Variants in OPRM1 observed in about 807,000 individuals in gnomAD.
OPRM1 encodes mu-type opioid receptor.
In OPRM1, 27 loss-of-function variants were observed where a neutral mutation model predicts 31.8. The ratio of observed to expected loss-of-function variants is 0.85; its 90% CI spans 0.63 to 1.17. OPRM1 has a LOEUF of 1.17. Among genes scored for constraint, OPRM1 ranks in the 50% most tolerant of loss-of-function variants. OPRM1 has a pLI of 0.00. For synonymous variants in OPRM1, 196 were observed against 189.9 expected (o/e 1.03, Z -0.26); for missense variants, 536 against 511.1 (o/e 1.05, Z -0.47).
chr6:154,114,322 T>G (rs1796634885), intron 3 of OPRM1, among the ~76,000 whole-genome samples: 1 of 152,228 alleles, frequency 6.6e-6, no homozygotes, highest in Non-Finnish European at 1.5e-5. Context: ...TGGTCCTGTA[T>G]CTTATCAGAA....
At chr6:154,077,933 G>A (rs1788244361) in intron 1 of OPRM1, among the ~76,000 whole-genome samples, 1 of 150,848 alleles carries the variant, frequency 6.6e-6, no homozygotes, top group Non-Finnish European at 1.5e-5. Flanking sequence ...CAAGGAATTT[G>A]CCAAGGTTAT....
At chr6:154,057,121 T>G (rs573513461) in intron 1 of OPRM1, among the ~76,000 whole-genome samples, 1 of 152,316 alleles carries the variant, frequency 6.6e-6, no homozygotes, top group South Asian at 2.1e-4. Flanking sequence ...AACTTTACAT[T>G]TTTCCCTAAA....
intron 3 of OPRM1, among the ~76,000 whole-genome samples, chr6:154,221,989 C>T (rs1043047852): frequency 3.3e-5 from 5 of 152,188 alleles, no homozygotes; most frequent in African/African-American, 1.2e-4. Context: ...ATAGAAATAA[C>T]ACTTCAAAAT....
chr6:154,121,932 C>T lies in OPRM1; in HGVS notation c.*3211C>T, dbSNP rs1044761621. ...TGTGGAAATGATAAGATGCGTACTG[C>T]ATCTCTCATATAATAAAGATAATCA... On this transcript the variant is annotated 3_prime_UTR_variant, in exon 4 of 4. Transcript: ENST00000330432. 3.3e-5 allele frequency among the ~76,000 whole-genome samples: 5 copies of T among 152,210 alleles called. No homozygotes were observed. Among genetic ancestry groups the T allele is most frequent in the African/African-American group, 4.8e-5 (2 of 41,456 alleles).
intron 3 of OPRM1, among the ~76,000 whole-genome samples, chr6:154,176,691 C>T (rs1331021706): frequency 1.3e-5 from 2 of 152,192 alleles, no homozygotes; most frequent in East Asian, 1.9e-4. Context: ...AATAGAAGAA[C>T]ATTCCATGCT....
At chr6:154,028,926 T>G (rs1428145905) in intron 1 of OPRM1, among the ~76,000 whole-genome samples, 2 of 152,232 alleles carry the variant, frequency 1.3e-5, no homozygotes, top group Non-Finnish European at 2.9e-5. Flanking sequence ...AACCAAGTGC[T>G]GTGAGTGCTT....
intron 3 of OPRM1, among the ~76,000 whole-genome samples, chr6:154,099,329 A>AAGGAAGGAAGGG (rs1188397084): frequency 2.6e-4 from 31 of 119,460 alleles, no homozygotes; most frequent in Admixed American, 5.8e-4. Context: ...GGAAGGAAGG[A>AAGGAAGGAAGGG]AGGGAGGGAG....
Position 154,127,645 on chromosome 6 carries a change from A to C in OPRM1, c.*8924A>C, listed in dbSNP as rs1203969025. Among the ~76,000 whole-genome samples the C allele has an allele frequency of 6.6e-6, 1 of 152,056 alleles. No homozygotes were observed. The highest frequency in any genetic ancestry group is 1.5e-5 in the Non-Finnish European group (1 of 68,006). On this transcript the variant is annotated 3_prime_UTR_variant, in exon 4 of 4. Coordinates refer to ENST00000330432, the MANE Select transcript of OPRM1 (RefSeq NM_000914.5). ...CCACCCCTCGCTTTCACTAAATAACAACTCTCTTCTCTCCATCATTTTGAC... is the reference window on the plus strand; with the variant it reads ...CCACCCCTCGCTTTCACTAAATAACCACTCTCTTCTCTCCATCATTTTGAC...
intron 1 of OPRM1, among the ~76,000 whole-genome samples, chr6:154,052,884 AT>A (rs1189996021): frequency 6.6e-6 from 1 of 152,228 alleles, no homozygotes; most frequent in Non-Finnish European, 1.5e-5. Flanking sequence ...ATTTTTCAAC[AT>A]CAGAAAATAG....
chr6:154,205,273 C>T (rs1251862636), intron 3 of OPRM1, among the ~76,000 whole-genome samples: 1 of 151,126 alleles, frequency 6.6e-6, no homozygotes, highest in Non-Finnish European at 1.5e-5. Flanking sequence ...TTCAGCATCC[C>T]TGTATTTTTT....
chr6:154,235,050 G>A (rs188735703), intron 3 of OPRM1, among the ~76,000 whole-genome samples: 19 of 152,320 alleles, frequency 1.2e-4, no homozygotes, highest in African/African-American at 4.6e-4. Flanking sequence ...CAATACATAT[G>A]AAGGAAAGCT....
chr6:154,146,675 C>T (rs540536623), intron 3 of OPRM1, among the ~76,000 whole-genome samples: 250 of 152,252 alleles, frequency 1.6e-3, no homozygotes, highest in African/African-American at 5.6e-3. Context: ...GACTGACAAA[C>T]TATGGTGCAA....
Position 154,120,682 on chromosome 6 carries a change from C to A in OPRM1, c.*1961C>A, listed in dbSNP as rs1797252039. On this transcript the variant is annotated 3_prime_UTR_variant, in exon 4 of 4. Coordinates refer to ENST00000330432, the MANE Select transcript of OPRM1 (RefSeq NM_000914.5). ...AAATAACTGAGGAGGAAAATCCATG[C>A]TTTTCATGGGCTAGGATGGTTTCTC... 6.6e-6 allele frequency among the ~76,000 whole-genome samples: 1 copy of A among 152,098 alleles called. No individual in the cohort carries two copies. Among genetic ancestry groups the A allele is most frequent in the Non-Finnish European group, 1.5e-5 (1 of 68,014 alleles).
intron 1 of OPRM1, among the ~76,000 whole-genome samples, chr6:154,082,954 A>G (rs1225826052): frequency 6.6e-6 from 1 of 152,238 alleles, no homozygotes; most frequent in African/African-American, 2.4e-5. Flanking sequence ...TCTATAATAC[A>G]TAAATACTAT....
intron 1 of OPRM1, chr6:154,086,799 G>GC (rs1790686490): frequency 1.0e-6 from 1 of 985,262 alleles, no homozygotes; most frequent in Non-Finnish European, 1.2e-6. Flanking sequence ...ATGCAATGAA[G>GC]CATGTCTTTA....
At chr6:154,094,603 C>T (rs1235309036) in intron 3 of OPRM1, among the ~76,000 whole-genome samples, 1 of 152,164 alleles carries the variant, frequency 6.6e-6, no homozygotes, top group Non-Finnish European at 1.5e-5. Flanking sequence ...GAATGACTAG[C>T]TCCACATGGA....
At chr6:154,067,988 A>G (rs1040530848) in intron 1 of OPRM1, among the ~76,000 whole-genome samples, 1 of 151,970 alleles carries the variant, frequency 6.6e-6, no homozygotes, top group Non-Finnish European at 1.5e-5. Flanking sequence ...CTTTACTGAG[A>G]CCTTTATTTC....
intron 3 of OPRM1, among the ~76,000 whole-genome samples, chr6:154,163,455 G>A (rs909372337): frequency 5.3e-5 from 8 of 152,068 alleles, no homozygotes; most frequent in African/African-American, 1.9e-4. Flanking sequence ...TCCTCAACAT[G>A]TTCTATCCCC....
Position 154,091,102 on chromosome 6 carries a change from G to C in OPRM1, c.794G>C (p.Arg265Pro). The change falls in exon 3 of 4, where the codon CGC (arginine) becomes CCC (proline). Residue 265 changes from arginine (R) to proline (P), a missense_variant. By Grantham distance (103) the Arg-to-Pro change is moderately radical. Coordinates refer to ENST00000330432, the MANE Select transcript of OPRM1 (RefSeq NM_000914.5). ...ATGATCTTGCGCCTCAAGAGTGTCC[G>C]CATGCTCTCTGGCTCCAAAGAAAAG... ...GLMILRLKSV[R>P]MLSGSKEKDR... 1 of 1,614,108 alleles carries C rather than the reference G, an allele frequency of 6.2e-7. No homozygotes were observed. Among genetic ancestry groups the C allele is most frequent in the Non-Finnish European group, 8.5e-7 (1 of 1,180,018 alleles).
Sources: gnomAD v4.1 joint callset for allele counts (sites outside exome capture counted in the v4.1 genomes callset) on GRCh38, gnomAD v4.1.1 for gene constraint, MANE v1.5 for transcripts, NCBI Gene and HGNC (gene_info 2026-07-23, HGNC 2026-07-21) for gene names.